LYN: variants seen among roughly 807,000 people sequenced by gnomAD.
The protein encoded by LYN is tyrosine-protein kinase Lyn.
In LYN, 12 loss-of-function variants were observed where a neutral mutation model predicts 65.0. The ratio of observed to expected loss-of-function variants is 0.18; its 90% confidence interval spans 0.12 to 0.30. The LOEUF is 0.30. Ranked by LOEUF, LYN falls within the 10% of genes least tolerant of loss-of-function variation. The pLI is 1.00. For missense variants in LYN, 380 were observed against 623.2 expected, an observed-to-expected ratio of 0.61 and a Z score of 4.16; for synonymous variants, 222 against 221.2, an observed-to-expected ratio of 1.00 and a Z score of -0.03.
intron 2 of LYN, among the ~76,000 whole-genome samples, chr8:55,944,287 C>T (rs1806711817): frequency 6.6e-6 from 1 of 151,818 alleles, no homozygotes; most frequent in African/African-American, 2.4e-5. Flanking sequence ...AGAAACATTA[C>T]ATAAGTATGT....
rs1808796355 is a variant in LYN at position 56,010,864 on chromosome 8, C to G, written c.*754C>G. Reference sequence around the variant, plus strand: ...GACCTCCCAGGAAAGGGAGAAGAGCCTCAGAAACTGCTCTGTGTTTAGAAG... The same window carrying G: ...GACCTCCCAGGAAAGGGAGAAGAGCGTCAGAAACTGCTCTGTGTTTAGAAG... On this transcript the variant is annotated 3_prime_UTR_variant, in exon 13 of 13. Transcript: ENST00000519728. The G allele has an allele frequency of 4.3e-6, 1 of 229,970 alleles. No homozygotes were observed. The highest frequency in any genetic ancestry group is 1.8e-4 in the South Asian group (1 of 5,496). 14.2% of individuals were successfully genotyped at this position (229,970 alleles called of 1,614,324 possible). A position where few individuals can be genotyped will look rare whatever the true frequency, so the allele number is the denominator to read the frequency against.
intron 10 of LYN, among the ~76,000 whole-genome samples, chr8:55,978,062 G>C (rs1308220929): frequency 6.6e-6 from 1 of 152,210 alleles, no homozygotes; most frequent in African/African-American, 2.4e-5. Context: ...AGAAGCACCT[G>C]AAGGAGTTCA....
At chr8:55,897,890 G>T (rs6997193) in intron 1 of LYN, among the ~76,000 whole-genome samples, 1 of 151,868 alleles carries the variant, frequency 6.6e-6, no homozygotes, top group African/African-American at 2.4e-5. Flanking sequence ...TCCAGCCTGC[G>T]TGACAGTGAG....
At chr8:55,935,014 C>T (rs1806386683) in intron 1 of LYN, among the ~76,000 whole-genome samples, 2 of 152,116 alleles carry the variant, frequency 1.3e-5, no homozygotes, top group Non-Finnish European at 2.9e-5. Flanking sequence ...AGGTGATGCC[C>T]ACACCATGGA....
chr8:55,887,464 T>C (rs1028099990), intron 1 of LYN, among the ~76,000 whole-genome samples: 6 of 151,554 alleles, frequency 4.0e-5, no homozygotes, highest in African/African-American at 1.5e-4. Context: ...TCTGTACGTC[T>C]TTATATTTAA....
intron 10 of LYN, among the ~76,000 whole-genome samples, chr8:55,979,994 C>T (rs1807874277): frequency 1.3e-5 from 2 of 152,212 alleles, no homozygotes; most frequent in Non-Finnish European, 2.9e-5. Flanking sequence ...CCTCCAGAGG[C>T]CCTGCCCCAG....
intron 9 of LYN, among the ~76,000 whole-genome samples, chr8:55,968,467 G>A (rs1469438991): frequency 1.3e-5 from 2 of 152,156 alleles, no homozygotes; most frequent in African/African-American, 4.8e-5. Context: ...ATGTTGGCCA[G>A]GCTGGTCTTA....
At position 55,942,699 on chromosome 8, in the gene LYN, C is replaced by T. The variant is rs181773920; in HGVS notation, c.132+708C>T. Among the ~76,000 whole-genome samples the T allele has an allele frequency of 9.3e-3, 1,397 of 150,350 alleles. 23 individuals carry two copies. The highest frequency in any genetic ancestry group is 0.032 in the African/African-American group (1,324 of 40,804). ...ACTCAGGAGGCTGAGGCAGGAGAAT[C>T]GCTTGAACCTGGGAAGCAGAGGTTG... On this transcript the variant is annotated intron_variant, in intron 2 of 12. Transcript: ENST00000519728.
At chr8:55,973,345 C>G (rs566944834) in intron 10 of LYN, among the ~76,000 whole-genome samples, 11 of 152,332 alleles carry the variant, frequency 7.2e-5, no homozygotes, top group African/African-American at 1.7e-4. Context: ...GCCCATTCAA[C>G]ATAGATCAAG....
intron 10 of LYN, chr8:55,980,601 A>T (rs1807891056): frequency 6.6e-6 from 1 of 152,226 alleles, no homozygotes; most frequent in South Asian, 2.1e-4. Context: ...ATACAGTCAA[A>T]TTTGGATTTT....
intron 1 of LYN, among the ~76,000 whole-genome samples, chr8:55,894,693 C>T (rs1284482192): frequency 1.3e-5 from 2 of 152,126 alleles, no homozygotes; most frequent in East Asian, 3.8e-4. Flanking sequence ...CCACCATACC[C>T]AGCTAATTTT....
chr8:55,998,351 A>G lies in LYN; in HGVS notation c.1056A>G (p.Ala352=). ...PKLIDFSAQI[A]EGMAYIERKN... The stretch of plus-strand genomic sequence containing the variant: ...GAGCCTATTTCTGTTTTCAGATTGC[A>G]GAGGGAATGGCATACATCGAGCGGA... Residue 352 remains alanine (A), a synonymous_variant, in exon 11 of 13, where the codon GCA becomes GCG. Coordinates refer to ENST00000519728, the MANE Select transcript of LYN (RefSeq NM_002350.4). 6.2e-7 allele frequency: 1 copy of G among 1,605,696 alleles called. No homozygotes were observed.
Position 55,911,276 on chromosome 8 carries a change from TATATATA to T in LYN, c.-5-30578_-5-30572del, listed in dbSNP as rs1435584982. Among the ~76,000 whole-genome samples the T allele has an allele frequency of 4.1e-4, 21 of 51,640 alleles. 1 individual carries two copies. The highest frequency in any genetic ancestry group is 1.3e-3 in the African/African-American group (19 of 15,124). The allele number at this position is 51,640 out of a possible 152,430, so 33.9% of individuals were successfully genotyped here. A position where few individuals can be genotyped will look rare whatever the true frequency, so the allele number is the denominator to read the frequency against. ...GTGTGTGTATATATATATATATATA[TATATATA>T]TATTTTTTTTTTTTTTTTAGTAGAG... is the stretch of plus-strand genomic sequence containing the variant. On this transcript the variant is annotated intron_variant, in intron 1 of 12. Coordinates refer to ENST00000519728, the MANE Select transcript of LYN (RefSeq NM_002350.4).
intron 1 of LYN, among the ~76,000 whole-genome samples, chr8:55,934,035 G>A (rs1806346232): frequency 6.6e-6 from 1 of 152,182 alleles, no homozygotes; most frequent in Admixed American, 6.5e-5. Context: ...AGACCAGCCT[G>A]GCCAATATGG....
At chr8:56,007,277 G>C (rs1808699863) in intron 12 of LYN, among the ~76,000 whole-genome samples, 1 of 152,228 alleles carries the variant, frequency 6.6e-6, no homozygotes. Flanking sequence ...GAAAGCAGAA[G>C]TATACACAAA....
intron 9 of LYN, among the ~76,000 whole-genome samples, chr8:55,968,598 C>T (rs548849929): frequency 1.3e-5 from 2 of 152,352 alleles, no homozygotes; most frequent in East Asian, 3.9e-4. Context: ...ATATGCCAGA[C>T]TGCTCTTGGT....
chr8:55,997,912 G>A (rs112408594), intron 10 of LYN, among the ~76,000 whole-genome samples: 2,514 of 151,954 alleles, frequency 0.017, 65 homozygotes, highest in African/African-American at 0.057. Context: ...GTGAAACCCC[G>A]TCTCTACTAA....
chr8:55,945,448 C>A (rs1030071088), intron 2 of LYN, among the ~76,000 whole-genome samples: 1 of 152,180 alleles, frequency 6.6e-6, no homozygotes, highest in African/African-American at 2.4e-5. Flanking sequence ...TCTGGTACTA[C>A]AATGTAGTAA....
At chr8:55,889,824 C>T (rs1260099262) in intron 1 of LYN, among the ~76,000 whole-genome samples, 1 of 152,172 alleles carries the variant, frequency 6.6e-6, no homozygotes, top group East Asian at 1.9e-4. Context: ...CCCTTCCTAA[C>T]TGTGGGCTGC....
Sources: gnomAD v4.1 joint callset for allele counts (sites outside exome capture counted in the v4.1 genomes callset) on GRCh38, gnomAD v4.1.1 for gene constraint, MANE v1.5 for transcripts, NCBI Gene and HGNC (gene_info 2026-07-23, HGNC 2026-07-21) for gene names.